Variants in AGTRAP observed in about 807,000 individuals in gnomAD.
AGTRAP encodes the protein angiotensin II receptor associated protein, also known as type-1 angiotensin II receptor-associated protein.
AGTRAP carries 7 observed loss-of-function variants against 15.2 expected under a neutral mutation model. That is an observed-to-expected ratio of 0.46 (90% confidence interval 0.26 to 0.87). The LOEUF (loss-of-function observed/expected upper bound fraction) is 0.87, where lower values mean the gene tolerates loss of function less well. Ranked by LOEUF, AGTRAP falls within the 40% of genes least tolerant of loss-of-function variation. AGTRAP has a pLI of 0.15. For synonymous variants in AGTRAP, 74 were observed against 89.6 expected (o/e 0.83, Z 0.98); for missense variants, 187 against 213.4 (o/e 0.88, Z 0.77).
rs17875924 is a variant in AGTRAP, at chr1:11,742,441, G to A, written c.28-3362G>A. ...TTCTTTCCCTTCTTTCCCTTCCTTC[G>A]TTCCTTCCTTCCTTCCTTCCTTCTT... On this transcript the variant is annotated intron_variant, in intron 1 of 4. Coordinates refer to ENST00000314340, the MANE Select transcript of AGTRAP (RefSeq NM_020350.5). 5.4e-3 allele frequency among the ~76,000 whole-genome samples: 808 copies of A among 149,182 alleles called. 8 individuals are homozygous for A. The highest frequency in any genetic ancestry group is 0.019 in the African/African-American group (777 of 40,352).
Position 11,748,626 on chromosome 1 carries a change from C to G in AGTRAP, c.364+16C>G, listed in dbSNP as rs17875952. 2,117 of 1,598,780 alleles carry G rather than the reference C, an allele frequency of 1.3e-3. 34 individuals carry two copies. In the African/African-American group the frequency reaches 0.024, roughly 18 times the overall value. ...GTCCACACTGGTGAGGCCACCACCT[C>G]CAGCCAGCTCCTCACCGCTCCCTTC... On this transcript the variant is annotated intron_variant, in intron 4 of 4. Coordinates refer to ENST00000314340, the MANE Select transcript of AGTRAP (RefSeq NM_020350.5).
In AGTRAP at chr1:11,750,618, C is replaced by T; in HGVS notation, c.*426C>T. 1 of 392,988 alleles carries T rather than the reference C, an allele frequency of 2.5e-6. No individual in the cohort carries two copies. Among genetic ancestry groups the T allele is most frequent in the Non-Finnish European group, 4.7e-6 (1 of 213,804 alleles). The allele number at this position is 392,988 out of a possible 1,614,324, so 24.3% of individuals were successfully genotyped here. ...CTGCTCAGCCCGAGGAGCAGTCTGG[C>T]ATGGGAGTGAGGCCCCGTCCTTCTC... On this transcript the variant is annotated 3_prime_UTR_variant, in exon 5 of 5. Transcript: ENST00000314340.
At chr1:11,748,694 C>T (rs1044080879) in intron 4 of AGTRAP, 84 bp downstream of exon 4, 1 of 1,486,484 alleles carries the variant, frequency 6.7e-7, no homozygotes, top group African/African-American at 1.4e-5. Flanking sequence ...GTGAGCCAGC[C>T]TTGCCCCATG....
chr1:11,748,318 A>G, intron 3 of AGTRAP, 97 bp from the exon 4 acceptor site: 1 of 1,357,632 alleles, frequency 7.4e-7, no homozygotes, highest in Non-Finnish European at 1.0e-6. Context: ...CCCCAAGGAC[A>G]CAGCAGGGCA....
intron 1 of AGTRAP, 24 bp downstream of exon 1, chr1:11,736,259 T>A: frequency 6.2e-7 from 1 of 1,601,322 alleles, no homozygotes; most frequent in Non-Finnish European, 8.5e-7. Context: ...GGGGGGAGGG[T>A]CCCCTTTGCG....
chr1:11,740,003 T>C (rs541545475), intron 1 of AGTRAP, among the ~76,000 whole-genome samples: 2 of 152,332 alleles, frequency 1.3e-5, no homozygotes, highest in South Asian at 4.1e-4. Context: ...CATTGACCCC[T>C]GTCTGGGAAA....
chr1:11,736,255 A>T lies in AGTRAP; in HGVS notation c.27+20A>T, dbSNP rs1641893526. On this transcript the variant is annotated intron_variant, in intron 1 of 4. Coordinates refer to ENST00000314340, the MANE Select transcript of AGTRAP (RefSeq NM_020350.5). ...CTGAAGGTGGCGACGGGCTGGGGGG[A>T]GGGTCCCCTTTGCGGGAGGAAGTGG... 1 of 1,603,404 alleles carries T rather than the reference A, an allele frequency of 6.2e-7. No individual in the cohort carries two copies. Among genetic ancestry groups the T allele is most frequent in the African/African-American group, 1.3e-5 (1 of 74,528 alleles).
At chr1:11,743,855 T>A (rs1172239665) in intron 1 of AGTRAP, among the ~76,000 whole-genome samples, 1 of 151,972 alleles carries the variant, frequency 6.6e-6, no homozygotes, top group Non-Finnish European at 1.5e-5. Context: ...CGTGAGCCAC[T>A]GTGCCCAGCC....
intron 1 of AGTRAP, among the ~76,000 whole-genome samples, chr1:11,743,556 TTTTC>T (rs1035965671): frequency 1.4e-5 from 2 of 141,666 alleles, no homozygotes; most frequent in African/African-American, 5.1e-5. Flanking sequence ...CATCTGCCCT[TTTTC>T]TTTCTTTCCT....
Position 11,745,806 on chromosome 1 carries a change from A to T in AGTRAP, c.31A>T (p.Ile11Phe), listed in dbSNP as rs149566941. The change falls in exon 2 of 5, where the codon ATT becomes TTT. Residue 11 changes from isoleucine (I) to phenylalanine (F), a missense_variant. Ile to Phe is a conservative substitution (Grantham distance 21). Transcript: ENST00000314340. The surrounding 1 kb of genome is among the most constrained non-coding windows in gnomAD (Gnocchi z 4.2). Reference protein sequence around the residue: MELPAVNLKVILLGHWLLTTW... With the variant: MELPAVNLKVFLLGHWLLTTW... ...TCTCCCCCTTGTTGTGCCACAGGTG[A>T]TTCTCCTAGGTCACTGGCTGCTGAC... 3 of 1,613,892 alleles carry T rather than the reference A, an allele frequency of 1.9e-6. No individual in the cohort carries two copies. Among genetic ancestry groups the T allele is most frequent in the Non-Finnish European group, 2.5e-6 (3 of 1,180,006 alleles).
chr1:11,746,429 G>A, intron 2 of AGTRAP: 1 of 549,172 alleles, frequency 1.8e-6, no homozygotes, highest in South Asian at 2.2e-5. Flanking sequence ...CCTTGCACAT[G>A]TCTTCTGCAT....
At chr1:11,739,816 C>T (rs1027444829) in intron 1 of AGTRAP, among the ~76,000 whole-genome samples, 3 of 152,202 alleles carry the variant, frequency 2.0e-5, no homozygotes, top group Non-Finnish European at 4.4e-5. Context: ...AGTTAGTAAA[C>T]GGATACTTAC....
chr1:11,748,576 C>A lies in AGTRAP; in HGVS notation c.330C>A (p.Tyr110Ter). 1 of 1,610,508 alleles carries A rather than the reference C, an allele frequency of 6.2e-7. No individual in the cohort carries two copies. The highest frequency in any genetic ancestry group is 1.3e-5 in the African/African-American group (1 of 75,054). The stretch of plus-strand genomic sequence containing the variant: ...CCTGCTGCTTCGTCTACCACATGTA[C>A]CGGGAGCGCGGGGGTGAGCTCCTGG... Reference protein sequence around the residue: ...PLSCCFVYHMYRERGGELLVH... With the variant: ...PLSCCFVYHM The change falls in exon 4 of 5, where the codon TAC (tyrosine) becomes TAA (stop). Residue 110 changes from tyrosine to a stop codon, truncating the protein, a stop_gained. Transcript: ENST00000314340. LOFTEE classifies it low-confidence loss of function (END_TRUNC).
intron 1 of AGTRAP, among the ~76,000 whole-genome samples, chr1:11,737,335 C>T (rs1180052225): frequency 6.6e-6 from 1 of 152,182 alleles, no homozygotes; most frequent in Non-Finnish European, 1.5e-5. Flanking sequence ...GTGACAGCAG[C>T]CGAGGCTTGT....
intron 1 of AGTRAP, among the ~76,000 whole-genome samples, chr1:11,744,211 G>A (rs891954587): frequency 6.6e-6 from 1 of 152,178 alleles, no homozygotes; most frequent in Non-Finnish European, 1.5e-5. Context: ...GGAGTTTGAG[G>A]CTGCAGTGAG....
intron 1 of AGTRAP, chr1:11,744,627 C>G: frequency 1.4e-6 from 1 of 707,124 alleles, no homozygotes; most frequent in Non-Finnish European, 2.6e-6. Context: ...AGCAGATTCC[C>G]TGCATTCCAC....
chr1:11,750,500 G>A lies in AGTRAP; in HGVS notation c.*308G>A. On this transcript the variant is annotated 3_prime_UTR_variant, in exon 5 of 5. Transcript: ENST00000314340. Reference sequence around the variant, plus strand: ...GCCCTCAGCCGAGTCCTGCCTGAGTGTTGCAAGCTCAGGCCTTTAAGGACT... The same window carrying A: ...GCCCTCAGCCGAGTCCTGCCTGAGTATTGCAAGCTCAGGCCTTTAAGGACT... 1.7e-6 allele frequency: 1 copy of A among 585,616 alleles called. No individual in the cohort carries two copies. The highest frequency in any genetic ancestry group is 3.0e-6 in the Non-Finnish European group (1 of 328,650). The allele number at this position is 585,616 out of a possible 1,614,324, so 36.3% of individuals were successfully genotyped here.
chr1:11,747,005 G>A (rs1165483805), intron 2 of AGTRAP, among the ~76,000 whole-genome samples: 2 of 152,210 alleles, frequency 1.3e-5, no homozygotes, highest in Non-Finnish European at 1.5e-5. Context: ...GGCGCCCGCC[G>A]CACAGGGCAG....
At chr1:11,747,745 G>C (rs753490228) in intron 3 of AGTRAP, among the ~76,000 whole-genome samples, 200 bp downstream of exon 3, 1 of 152,206 alleles carries the variant, frequency 6.6e-6, no homozygotes. Context: ...TGCTCTTCTT[G>C]TCTGGCTTAG....
Sources: gnomAD v4.1 joint callset for allele counts (sites outside exome capture counted in the v4.1 genomes callset) on GRCh38, gnomAD v4.1.1 for gene constraint, Gnocchi (gnomAD v3.1) non-coding constraint, MANE v1.5 for transcripts, NCBI Gene and HGNC (gene_info 2026-07-23, HGNC 2026-07-21) for gene names.